The following SASS6 variants were observed in gnomAD, a reference collection of about 807,000 sequenced individuals.
The protein encoded by SASS6 is spindle assembly abnormal protein 6 homolog.
SASS6 carries 59 observed loss-of-function variants against 94.9 expected under a neutral mutation model. The observed-to-expected ratio is 0.62, with a 90% CI of 0.50 to 0.77. SASS6 has a LOEUF of 0.77. SASS6 is among the 30% of genes least tolerant of loss of function. The probability of loss-of-function intolerance (pLI) is 0.00; values close to 1 mark genes in which losing one functional copy is unlikely to be tolerated. For missense variants in SASS6, 698 were observed against 734.1 expected (o/e 0.95, Z 0.57); for synonymous variants, 264 against 270.0 (o/e 0.98, Z 0.22).
rs775290647 is a variant in SASS6 at position 100,110,426 on chromosome 1, G to T, written c.727C>A (p.His243Asn). ...TGTAGCTGGTGGATGTTTTGTTGAT[G>T]GAGGATTTCTAAATCTTTTTTCTGT... is the stretch of plus-strand genomic sequence containing the variant. ...EQQKKDLEIL[H>N]QQNIHQLQNR... The change falls in exon 8 of 17, where the codon CAT (histidine) becomes AAT (asparagine). Residue 243 changes from histidine (H) to asparagine (N), a missense_variant. Physicochemically the swap from His to Asn is moderately conservative, Grantham distance 68. Coordinates refer to ENST00000287482, the MANE Select transcript of SASS6 (RefSeq NM_194292.3). The T allele has an allele frequency of 1.5e-5, 24 of 1,611,090 alleles. No homozygotes were observed. The highest frequency in any genetic ancestry group is 1.7e-4 in the Middle Eastern group (1 of 6,054).
At chr1:100,130,870 G>T (rs1654956027) in intron 1 of SASS6, among the ~76,000 whole-genome samples, 1 of 152,146 alleles carries the variant, frequency 6.6e-6, no homozygotes, top group Non-Finnish European at 1.5e-5. Context: ...GCTACAATAT[G>T]TAAACAAATG....
At chr1:100,085,804 A>G (rs1319383606) in intron 15 of SASS6, among the ~76,000 whole-genome samples, 174 bp from the exon 16 acceptor site, 4 of 152,162 alleles carry the variant, frequency 2.6e-5, no homozygotes, top group Admixed American at 6.6e-5. Context: ...TTATACATAA[A>G]CCAAAGTATC....
intron 6 of SASS6, 46 bp downstream of exon 6, chr1:100,120,348 G>T: frequency 1.1e-6 from 1 of 895,756 alleles, no homozygotes; most frequent in Non-Finnish European, 1.9e-6. Flanking sequence ...GCAATTCAGT[G>T]CCAATGTCTG....
intron 7 of SASS6, among the ~76,000 whole-genome samples, chr1:100,116,102 T>C (rs1215515551): frequency 6.6e-6 from 1 of 152,122 alleles, no homozygotes; most frequent in Admixed American, 6.5e-5. Flanking sequence ...TTAAAAAAAC[T>C]ATATACGGCA....
intron 14 of SASS6, among the ~76,000 whole-genome samples, chr1:100,098,723 G>C (rs562832067): frequency 2.7e-5 from 4 of 150,898 alleles, no homozygotes; most frequent in African/African-American, 9.7e-5. Flanking sequence ...TAGTACATCC[G>C]TATACTGGAA....
chr1:100,118,432 G>A (rs1653946177), intron 7 of SASS6, among the ~76,000 whole-genome samples: 1 of 152,102 alleles, frequency 6.6e-6, no homozygotes, highest in South Asian at 2.1e-4. Context: ...TTTTTGGGTG[G>A]CAAATTTGCA....
intron 1 of SASS6, among the ~76,000 whole-genome samples, chr1:100,126,744 C>A (rs890657006): frequency 6.6e-6 from 1 of 152,046 alleles, no homozygotes; most frequent in African/African-American, 2.4e-5. Flanking sequence ...CCACTGCACA[C>A]CAGCCTGGGC....
intron 14 of SASS6, among the ~76,000 whole-genome samples, chr1:100,088,697 G>A (rs761421062): frequency 6.6e-6 from 1 of 151,980 alleles, no homozygotes; most frequent in African/African-American, 2.4e-5. Context: ...TGTAATTCCA[G>A]CAGTGTGGTA....
chr1:100,103,887 G>T (rs1206826802), intron 13 of SASS6, among the ~76,000 whole-genome samples: 1 of 152,162 alleles, frequency 6.6e-6, no homozygotes, highest in African/African-American at 2.4e-5. Flanking sequence ...AGGACCACCA[G>T]GAACCCATGT....
chr1:100,119,225 T>C (rs1653996928), intron 6 of SASS6, 88 bp from the exon 7 acceptor site: 1 of 713,194 alleles, frequency 1.4e-6, no homozygotes, highest in Non-Finnish European at 2.0e-6. Flanking sequence ...TACAAGGATA[T>C]TAAAGAAAAC....
intron 14 of SASS6, among the ~76,000 whole-genome samples, chr1:100,092,855 G>GT (rs1367181530): frequency 6.6e-5 from 10 of 151,790 alleles, no homozygotes; most frequent in African/African-American, 9.7e-5. Context: ...GATTACAGGC[G>GT]TAAGGGACCA....
intron 14 of SASS6, among the ~76,000 whole-genome samples, chr1:100,098,543 C>T (rs1425892348): frequency 6.6e-6 from 1 of 151,426 alleles, no homozygotes; most frequent in Non-Finnish European, 1.5e-5. Flanking sequence ...CTATTTTAGT[C>T]ACCAGTTATG....
intron 5 of SASS6, 65 bp downstream of exon 5, chr1:100,121,313 C>A: frequency 5.4e-6 from 5 of 934,008 alleles, no homozygotes; most frequent in Non-Finnish European, 8.0e-6. Context: ...TGTATCTCTT[C>A]AATAATTTAT....
Position 100,107,537 on chromosome 1 carries a change from T to C in SASS6, c.1163A>G (p.Lys388Arg), listed in dbSNP as rs1557886554. The change falls in exon 11 of 17, where the codon AAG becomes AGG. Residue 388 changes from lysine (K) to arginine (R), a missense_variant. Lys to Arg is a conservative substitution (Grantham distance 26). Coordinates refer to ENST00000287482, the MANE Select transcript of SASS6 (RefSeq NM_194292.3). ...AELLKANEIIKKLQGDLKTLM... is the reference protein window; with the variant it reads ...AELLKANEIIRKLQGDLKTLM... ...AGTTTTCAGATCCCCTTGTAACTTCTTGATAATTTCATTTGCCTATAAAAG... is the reference window on the plus strand; with the variant it reads ...AGTTTTCAGATCCCCTTGTAACTTCCTGATAATTTCATTTGCCTATAAAAG... 2.5e-6 allele frequency: 4 copies of C among 1,599,976 alleles called. No homozygotes were observed. The highest frequency in any genetic ancestry group is 2.6e-6 in the Non-Finnish European group (3 of 1,171,620).
chr1:100,122,336 G>C (rs1028904622), intron 4 of SASS6, 44 bp downstream of exon 4: 5 of 851,250 alleles, frequency 5.9e-6, no homozygotes, highest in Non-Finnish European at 9.7e-6. Context: ...AGAAGAGTCT[G>C]TCTTGAATTA....
In SASS6 at chr1:100,088,091, T is replaced by C. The variant is rs375229473; in HGVS notation, c.1772+48A>G. On this transcript the variant is annotated intron_variant, in intron 15 of 16. Transcript: ENST00000287482. ...AAGCACTGATAAAAATTCTGTAAGA[T>C]GGCCTTCAAAATTGCAAACATTAAA... 12 of 962,522 alleles carry C rather than the reference T, an allele frequency of 1.2e-5. No individual in the cohort carries two copies. The African/African-American group carries it at 1.4e-4, about 12-fold the overall frequency. The allele number at this position is 962,522 out of a possible 1,614,324, so 59.6% of individuals were successfully genotyped here. A position where few individuals can be genotyped will look rare whatever the true frequency, so the allele number is the denominator to read the frequency against.
intron 7 of SASS6, among the ~76,000 whole-genome samples, chr1:100,111,887 T>C (rs1054497586): frequency 1.3e-5 from 2 of 151,842 alleles, no homozygotes; most frequent in Admixed American, 1.3e-4. Context: ...TCTAAGAGAG[T>C]AATCAAAGAC....
chr1:100,085,672 A>G, intron 15 of SASS6, 42 bp from the exon 16 acceptor site: 1 of 1,249,782 alleles, frequency 8.0e-7, no homozygotes, highest in Non-Finnish European at 1.2e-6. Context: ...CAAAGTCTTT[A>G]TTAACTTTGA....
chr1:100,106,053 A>G (rs1285155729), intron 12 of SASS6, 150 bp from the exon 13 acceptor site: 1 of 478,494 alleles, frequency 2.1e-6, no homozygotes, highest in Non-Finnish European at 3.4e-6. Flanking sequence ...GTTCACCTAA[A>G]TTTTTGTCAT....
Sources: gnomAD v4.1 joint callset for allele counts (sites outside exome capture counted in the v4.1 genomes callset) on GRCh38, gnomAD v4.1.1 for gene constraint, MANE v1.5 for transcripts, NCBI Gene and HGNC (gene_info 2026-07-23, HGNC 2026-07-21) for gene names.